Variants in TNFAIP8L1 observed in about 807,000 individuals in gnomAD.
TNFAIP8L1 encodes the protein TNF alpha induced protein 8 like 1, also known as tumor necrosis factor alpha-induced protein 8-like protein 1.
For missense variants in TNFAIP8L1, 225 were observed against 266.1 expected (o/e 0.85, Z 1.08); for synonymous variants, 127 against 125.6 (o/e 1.01, Z -0.08).
At position 4,653,121 on chromosome 19, in the gene TNFAIP8L1, C is replaced by G. The variant is rs190560850; in HGVS notation, c.*691C>G. ...GAGATCGAGACCATCCTGGCTAACA[C>G]GGTGAAACCCCATCTCTACTGAAAA... On this transcript the variant is annotated 3_prime_UTR_variant, in exon 2 of 2. Coordinates refer to ENST00000327473, the MANE Select transcript of TNFAIP8L1 (RefSeq NM_152362.3). 1 of 163,406 alleles carries G rather than the reference C, an allele frequency of 6.1e-6. No homozygotes were observed. The highest frequency in any genetic ancestry group is 1.5e-5 in the Non-Finnish European group (1 of 67,074). 10.1% of individuals were successfully genotyped at this position (163,406 alleles called of 1,614,324 possible). A position where few individuals can be genotyped will look rare whatever the true frequency, so the allele number is the denominator to read the frequency against.
chr19:4,647,609 C>CTTTTT (rs57985958), intron 1 of TNFAIP8L1, among the ~76,000 whole-genome samples: 2 of 80,556 alleles, frequency 2.5e-5, no homozygotes, highest in Non-Finnish European at 4.7e-5. Context: ...GTGCACCTGG[C>CTTTTT]TTTTTTTTTT....
rs958069034 is a variant in TNFAIP8L1, at chr19:4,645,916, C to G, written c.-3-5951C>G. On this transcript the variant is annotated intron_variant, in intron 1 of 1. Coordinates refer to ENST00000327473, the MANE Select transcript of TNFAIP8L1 (RefSeq NM_152362.3). The surrounding 1 kb of genome is among the most constrained non-coding windows in gnomAD (Gnocchi z 4.1). ...GCCTCCTGGCTGTTCCTGTAACAAG[C>G]GTGACACAGCCCTGCCCCAGGGCCT... is the stretch of plus-strand genomic sequence containing the variant. 2.0e-5 allele frequency among the ~76,000 whole-genome samples: 3 copies of G among 152,046 alleles called. No individual in the cohort carries two copies. The highest frequency in any genetic ancestry group is 6.5e-5 in the Admixed American group (1 of 15,268).
At chr19:4,646,006 C>G (rs1338269934) in intron 1 of TNFAIP8L1, among the ~76,000 whole-genome samples, 1 of 152,340 alleles carries the variant, frequency 6.6e-6, no homozygotes, top group East Asian at 1.9e-4. Flanking sequence ...AGGCCCAGTT[C>G]AACTGGCCCA....
Position 4,645,267 on chromosome 19 carries a change from G to A in TNFAIP8L1, c.-4+5638G>A, listed in dbSNP as rs79404105. On this transcript the variant is annotated intron_variant, in intron 1 of 1. Coordinates refer to ENST00000327473, the MANE Select transcript of TNFAIP8L1 (RefSeq NM_152362.3). The surrounding 1 kb of genome is among the most constrained non-coding windows in gnomAD (Gnocchi z 4.1). ...GGGAGAATATAAACTTATAGTTAAG[G>A]CTGGGCGTGGTGGCTCCCACCTGTA... Among the ~76,000 whole-genome samples the A allele has an allele frequency of 0.017, 2,656 of 152,292 alleles. 34 individuals are homozygous for A. Among genetic ancestry groups the A allele is most frequent in the South Asian group, 0.059 (287 of 4,828 alleles).
chr19:4,652,239 C>G lies in TNFAIP8L1; in HGVS notation c.370C>G (p.Arg124Gly), dbSNP rs1395115581. Residue 124 changes from arginine to glycine, a missense_variant, in exon 2 of 2, where the codon CGC (arginine) becomes GGC (glycine). Transcript: ENST00000327473. Reference sequence around the variant, plus strand: ...GCTGGCCGCCGGGCTGCTCGAGTGCCGCGACCTGCTGCACCAGGCCGTGGG... The same window carrying G: ...GCTGGCCGCCGGGCTGCTCGAGTGCGGCGACCTGCTGCACCAGGCCGTGGG... ...RVLAAGLLEC[R>G]DLLHQAVGPH... 3.2e-6 allele frequency: 5 copies of G among 1,551,510 alleles called. No individual in the cohort carries two copies. The highest frequency in any genetic ancestry group is 2.4e-5 in the East Asian group (1 of 41,402).
chr19:4,654,038 C>T lies in TNFAIP8L1; in HGVS notation c.*1608C>T. On this transcript the variant is annotated 3_prime_UTR_variant, in exon 2 of 2. Transcript: ENST00000327473. The stretch of plus-strand genomic sequence containing the variant: ...AGCTGGGAGAGGCCCAGGGCAGATC[C>T]CCTTCAGCCTTGGAGGGACCTAGCC... 1 of 152,296 alleles carries T rather than the reference C, an allele frequency of 6.6e-6. No individual in the cohort carries two copies. Among genetic ancestry groups the T allele is most frequent in the East Asian group, 1.9e-4 (1 of 5,172 alleles). The allele number at this position is 152,296 out of a possible 1,614,324, so 9.4% of individuals were successfully genotyped here. A position where few individuals can be genotyped will look rare whatever the true frequency, so the allele number is the denominator to read the frequency against.
chr19:4,641,404 G>A lies in TNFAIP8L1; in HGVS notation c.-4+1775G>A, dbSNP rs1046111531. On this transcript the variant is annotated intron_variant, in intron 1 of 1. Transcript: ENST00000327473. The surrounding 1 kb of genome is among the most constrained non-coding windows in gnomAD (Gnocchi z 4.6). ...CAGGTACAGCTCAGGTGTTACAGACGGGGAGCAGGGCAAGGAGGCAGAGCG... is the reference window on the plus strand; with the variant it reads ...CAGGTACAGCTCAGGTGTTACAGACAGGGAGCAGGGCAAGGAGGCAGAGCG... The A allele has an allele frequency of 2.0e-5, 3 of 152,246 alleles. No individual in the cohort carries two copies. Among genetic ancestry groups the A allele is most frequent in the African/African-American group, 7.2e-5 (3 of 41,428 alleles). The allele number at this position is 152,246 out of a possible 1,614,324, so 9.4% of individuals were successfully genotyped here.
At chr19:4,640,251 G>A (rs2088247167) in intron 1 of TNFAIP8L1, 1 of 152,306 alleles carries the variant, frequency 6.6e-6, no homozygotes. Context: ...GGAAACTAAG[G>A]CCTAGAAAGA....
At chr19:4,643,161 A>C (rs927394071) in intron 1 of TNFAIP8L1, among the ~76,000 whole-genome samples, 5 of 151,580 alleles carry the variant, frequency 3.3e-5, no homozygotes, top group Admixed American at 6.6e-5. Flanking sequence ...TGTCTGTAAT[A>C]CCAGCTACTC....
At chr19:4,649,083 C>A (rs2088338458) in intron 1 of TNFAIP8L1, among the ~76,000 whole-genome samples, 2 of 151,862 alleles carry the variant, frequency 1.3e-5, no homozygotes, top group African/African-American at 4.8e-5. Context: ...GCGCCCACCA[C>A]CATGCCCAGC....
chr19:4,646,915 C>CCA (rs1339531407), intron 1 of TNFAIP8L1, among the ~76,000 whole-genome samples: 1 of 152,236 alleles, frequency 6.6e-6, no homozygotes, highest in Non-Finnish European at 1.5e-5. Flanking sequence ...CAGGCGTGAG[C>CCA]CGGTGCCCGG....
At chr19:4,642,724 T>G (rs1599822505) in intron 1 of TNFAIP8L1, among the ~76,000 whole-genome samples, 1 of 122,760 alleles carries the variant, frequency 8.1e-6, no homozygotes. Flanking sequence ...GCTGGAGCAG[T>G]GAGGAGGAGG....
chr19:4,652,271 C>G lies in TNFAIP8L1; in HGVS notation c.402C>G (p.His134Gln). The change falls in exon 2 of 2, where the codon CAC (histidine) becomes CAG (glutamine). Residue 134 changes from histidine (H) to glutamine (Q), a missense_variant. Physicochemically the swap from His to Gln is conservative, Grantham distance 24 (BLOSUM62 0). Transcript: ENST00000327473. ...RDLLHQAVGP[H>Q]LTAKSHGRIN... The stretch of plus-strand genomic sequence containing the variant: ...TGCTGCACCAGGCCGTGGGTCCCCA[C>G]CTGACCGCCAAGTCCCACGGCCGCA... 1 of 1,564,846 alleles carries G rather than the reference C, an allele frequency of 6.4e-7. No homozygotes were observed. The highest frequency in any genetic ancestry group is 8.6e-7 in the Non-Finnish European group (1 of 1,158,542).
chr19:4,652,221 G>T lies in TNFAIP8L1; in HGVS notation c.352G>T (p.Ala118Ser). The T allele has an allele frequency of 6.5e-7, 1 of 1,546,260 alleles. No individual in the cohort carries two copies. Among genetic ancestry groups the T allele is most frequent in the Non-Finnish European group, 8.7e-7 (1 of 1,148,718 alleles). Residue 118 changes from alanine to serine, a missense_variant, in exon 2 of 2, where the codon GCC (alanine) becomes TCC (serine). Physicochemically the swap from Ala to Ser is moderately conservative, Grantham distance 99. Transcript: ENST00000327473. ...CACCTTCGACCGGCGCGTGCTGGCC[G>T]CCGGGCTGCTCGAGTGCCGCGACCT... ...DFTFDRRVLA[A>S]GLLECRDLLH...
intron 1 of TNFAIP8L1, among the ~76,000 whole-genome samples, chr19:4,643,264 G>A (rs2088280176): frequency 6.6e-6 from 1 of 150,730 alleles, no homozygotes; most frequent in African/African-American, 2.5e-5. Context: ...GGGCAACAGA[G>A]TGAGACTCTG....
At chr19:4,643,547 G>T (rs1449529377) in intron 1 of TNFAIP8L1, among the ~76,000 whole-genome samples, 1 of 152,218 alleles carries the variant, frequency 6.6e-6, no homozygotes. Flanking sequence ...GCCCATCCAT[G>T]GGGTGGTCCT....
chr19:4,644,948 T>C (rs2145166677), intron 1 of TNFAIP8L1, among the ~76,000 whole-genome samples: 1 of 151,740 alleles, frequency 6.6e-6, no homozygotes, highest in East Asian at 1.9e-4. Context: ...ACCCTGGGAG[T>C]CGGTGGGATG....
At position 4,652,289 on chromosome 19, in the gene TNFAIP8L1, C is replaced by T. The variant is rs1453344303; in HGVS notation, c.420C>T (p.His140=). ...AVGPHLTAKS[H]GRINHVFGHL... The stretch of plus-strand genomic sequence containing the variant: ...GTCCCCACCTGACCGCCAAGTCCCA[C>T]GGCCGCATCAACCACGTGTTCGGCC... Residue 140 remains histidine (H), a synonymous_variant, in exon 2 of 2, where the codon CAC becomes CAT. Coordinates refer to ENST00000327473, the MANE Select transcript of TNFAIP8L1 (RefSeq NM_152362.3). 15 of 1,565,916 alleles carry T rather than the reference C, an allele frequency of 9.6e-6. No individual in the cohort carries two copies. The highest frequency in any genetic ancestry group is 1.7e-4 in the Middle Eastern group (1 of 6,016).
At chr19:4,647,800 T>A (rs577966998) in intron 1 of TNFAIP8L1, among the ~76,000 whole-genome samples, 39 of 151,308 alleles carry the variant, frequency 2.6e-4, no homozygotes, top group South Asian at 8.4e-4. Context: ...TTAAAAAAAA[T>A]TTTTTTTTGT....
Sources: allele counts gnomAD v4.1 joint callset (sites outside exome capture counted in the v4.1 genomes callset), GRCh38; gene constraint gnomAD v4.1.1; non-coding constraint Gnocchi (gnomAD v3.1); transcripts MANE v1.5; gene names NCBI Gene and HGNC (gene_info 2026-07-23, HGNC 2026-07-21).